Variants in LGI1 observed in about 807,000 individuals in gnomAD.
The protein encoded by LGI1 is leucine rich glioma inactivated 1, also known as leucine-rich glioma-inactivated protein 1.
LGI1 carries 11 observed loss-of-function variants against 57.7 expected under a neutral mutation model. The ratio of observed to expected loss-of-function variants is 0.19; its 90% CI spans 0.12 to 0.32. LGI1 has a LOEUF of 0.32. Ranked by LOEUF, LGI1 falls within the 10% of genes least tolerant of loss-of-function variation. The pLI is 1.00. For missense variants in LGI1, 422 were observed against 661.9 expected (o/e 0.64, Z 3.98); for synonymous variants, 222 against 241.9 (o/e 0.92, Z 0.76).
In LGI1 at chr10:93,781,194, T is replaced by TA. The variant is rs371003984; in HGVS notation, c.431+3583dup. 9.9e-4 allele frequency among the ~76,000 whole-genome samples: 150 copies of TA among 150,974 alleles called. 2 individuals carry two copies. The highest frequency in any genetic ancestry group is 1.8e-3 in the Non-Finnish European group (121 of 67,696). ...TAACATGGTGAAACCCCATCTCTAC[T>TA]AAAAAATACAAAAAATTAGCCGGGC... On this transcript the variant is annotated intron_variant, in intron 4 of 7. Coordinates refer to ENST00000371418, the MANE Select transcript of LGI1 (RefSeq NM_005097.4).
At chr10:93,775,799 C>T (rs1273240035) in intron 2 of LGI1, among the ~76,000 whole-genome samples, 1 of 152,178 alleles carries the variant, frequency 6.6e-6, no homozygotes, top group Non-Finnish European at 1.5e-5. Context: ...TATGAGAAGT[C>T]CCTGGTCCTT....
chr10:93,770,548 C>A (rs1310272411), intron 2 of LGI1: 1 of 152,420 alleles, frequency 6.6e-6, no homozygotes, highest in Non-Finnish European at 1.5e-5. Context: ...GAACTCTGAG[C>A]TCCATGTTAA....
At chr10:93,779,369 T>G (rs561937700) in intron 4 of LGI1, among the ~76,000 whole-genome samples, 5 of 141,946 alleles carry the variant, frequency 3.5e-5, no homozygotes, top group Non-Finnish European at 6.0e-5. Flanking sequence ...TGTTTCCCTG[T>G]CTTGGAAGGA....
chr10:93,767,581 C>G (rs2059692010), intron 2 of LGI1: 2 of 152,288 alleles, frequency 1.3e-5, no homozygotes, highest in South Asian at 4.1e-4. Flanking sequence ...CCACCTCATT[C>G]TAGAGAGGTT....
chr10:93,776,206 G>C (rs1294292301), intron 2 of LGI1, among the ~76,000 whole-genome samples: 1 of 152,118 alleles, frequency 6.6e-6, no homozygotes, highest in Non-Finnish European at 1.5e-5. Flanking sequence ...TGATAGTTTA[G>C]GAAGAAATGC....
intron 7 of LGI1, among the ~76,000 whole-genome samples, chr10:93,795,937 G>A (rs1458979199): frequency 6.6e-6 from 1 of 152,254 alleles, no homozygotes; most frequent in African/African-American, 2.4e-5. Flanking sequence ...AAGAATTAAT[G>A]TAGAACTTTC....
At chr10:93,790,078 C>CT (rs780742254) in intron 4 of LGI1, 21 bp from the exon 5 acceptor site, 2 of 733,896 alleles carry the variant, frequency 2.7e-6, no homozygotes, top group South Asian at 1.6e-5. Flanking sequence ...GTTTACATCA[C>CT]CTTTTTTTTT....
In LGI1 at chr10:93,758,335, C is replaced by T. The variant is rs373616721; in HGVS notation, c.191C>T (p.Thr64Ile). The T allele has an allele frequency of 1.7e-4, 278 of 1,614,042 alleles. 1 individual carries two copies. Among genetic ancestry groups the T allele is most frequent in the Non-Finnish European group, 2.2e-4 (260 of 1,180,016 alleles). Residue 64 changes from threonine (T) to isoleucine (I), a missense_variant, in exon 1 of 8, where the codon ACC (threonine) becomes ATC (isoleucine). Physicochemically the swap from Thr to Ile is moderately conservative, Grantham distance 89. Around this residue, in one of 3 missense-constraint regions of LGI1, gnomAD observed 63 missense variants for 138.4 expected, o/e 0.46. Transcript: ENST00000371418. This position sits in a 1 kb window ranked among gnomAD's most constrained non-coding sequence, Gnocchi z 4.7. ...GAGAATGCCAGATCCATTCCACGCA[C>T]CGTTCCTCCTGATGTTATCTCATTG... ...LCENARSIPR[T>I]VPPDVISLSF... is the part of the protein sequence containing the mutation.
intron 2 of LGI1, among the ~76,000 whole-genome samples, chr10:93,775,197 T>C (rs983773621): frequency 6.6e-6 from 1 of 152,156 alleles, no homozygotes; most frequent in African/African-American, 2.4e-5. Flanking sequence ...AATATTATCA[T>C]TACCCCAAAA....
chr10:93,780,725 G>C (rs942516519), intron 4 of LGI1, among the ~76,000 whole-genome samples: 1 of 152,160 alleles, frequency 6.6e-6, no homozygotes, highest in Non-Finnish European at 1.5e-5. Flanking sequence ...CCAGTGCTAC[G>C]TCCACTGTGC....
At position 93,758,228 on chromosome 10, in the gene LGI1, G is replaced by A; in HGVS notation, c.84G>A (p.Ala28=). 1 of 1,614,152 alleles carries A rather than the reference G, an allele frequency of 6.2e-7. No individual in the cohort carries two copies. Among genetic ancestry groups the A allele is most frequent in the South Asian group, 1.1e-5 (1 of 91,078 alleles). Residue 28 remains alanine, a synonymous_variant, in exon 1 of 8, where the codon GCG becomes GCA. Transcript: ENST00000371418. The surrounding 1 kb of genome is among the most constrained non-coding windows in gnomAD (Gnocchi z 4.7). ...CTTATTTCCTATGTCTCTTATCTGC[G>A]CTTTTGCTGACTGAGGGGAAGAAAC... ...RIAYFLCLLS[A]LLLTEGKKPA...
intron 5 of LGI1, 132 bp from the exon 6 acceptor site, chr10:93,792,611 T>C (rs552613624): frequency 1.1e-6 from 1 of 883,756 alleles, no homozygotes; most frequent in African/African-American, 1.6e-5. Flanking sequence ...GTCAGTCAGG[T>C]TCCAGGCAGG....
intron 2 of LGI1, chr10:93,776,952 C>G (rs11187663): frequency 4.3e-6 from 1 of 232,346 alleles, no homozygotes; most frequent in Non-Finnish European, 8.5e-6. Flanking sequence ...ATGCAGCTTA[C>G]TTTTTTTTAG....
intron 2 of LGI1, chr10:93,775,886 C>T (rs2059789795): frequency 1.3e-5 from 2 of 152,138 alleles, no homozygotes; most frequent in Non-Finnish European, 1.5e-5. Context: ...CCATTCTCTC[C>T]ACTGCTGATG....
In LGI1 at chr10:93,793,390, C is replaced by G. The variant is rs770702247; in HGVS notation, c.838+40C>G. 9.7e-6 allele frequency: 15 copies of G among 1,550,950 alleles called. No homozygotes were observed. The South Asian group carries it at 1.4e-4, about 15-fold the overall frequency. On this transcript the variant is annotated intron_variant, in intron 7 of 7. Transcript: ENST00000371418. ...ATGATATTTTGAGTGGTAATTTAAA[C>G]TGCTTCAGCCAAGGGCAACAAGGAA...
At chr10:93,760,219 A>G (rs953111010) in intron 2 of LGI1, among the ~76,000 whole-genome samples, 2 of 152,224 alleles carry the variant, frequency 1.3e-5, no homozygotes, top group African/African-American at 4.8e-5. Context: ...GCAATTGACT[A>G]GATATTCCTA....
At chr10:93,780,309 C>A (rs1436081140) in intron 4 of LGI1, 1 of 152,522 alleles carries the variant, frequency 6.6e-6, no homozygotes, top group Non-Finnish European at 1.5e-5. Context: ...GGATCTGAAA[C>A]CCAAATTTCC....
At chr10:93,790,447 G>C (rs923942718) in intron 5 of LGI1, 9 of 405,608 alleles carry the variant, frequency 2.2e-5, no homozygotes, top group Admixed American at 8.4e-5. Flanking sequence ...GACTTTGACG[G>C]GGTGGGAAGA....
intron 2 of LGI1, among the ~76,000 whole-genome samples, chr10:93,760,339 GTC>G (rs2059609569): frequency 6.6e-6 from 1 of 152,232 alleles, no homozygotes; most frequent in South Asian, 2.1e-4. Context: ...AAGGGGCAGA[GTC>G]TCTAATGCTG....
Sources: gnomAD v4.1 joint callset for allele counts (sites outside exome capture counted in the v4.1 genomes callset) on GRCh38, gnomAD v4.1.1 for gene constraint, gnomAD v4.1.1 regional missense constraint, Gnocchi (gnomAD v3.1) non-coding constraint, MANE v1.5 for transcripts, NCBI Gene and HGNC (gene_info 2026-07-23, HGNC 2026-07-21) for gene names.